Variants in ZRANB3 observed in about 807,000 individuals in gnomAD.
ZRANB3 encodes the protein DNA annealing helicase and endonuclease ZRANB3.
In ZRANB3, 125 loss-of-function variants were observed where a neutral mutation model predicts 133.8. The observed-to-expected ratio is 0.93, with a 90% CI of 0.81 to 1.08. The LOEUF (loss-of-function observed/expected upper bound fraction) is 1.08, where lower values mean the gene tolerates loss of function less well. Ranked by LOEUF, ZRANB3 falls within the 50% of genes least tolerant of loss-of-function variation. The pLI is 0.00. For synonymous variants in ZRANB3, 387 were observed against 432.7 expected (o/e 0.89, Z 1.31); for missense variants, 1,229 against 1,275.5 (o/e 0.96, Z 0.56).
At chr2:135,393,524 A>T (rs1390059026) in intron 2 of ZRANB3, among the ~76,000 whole-genome samples, 1 of 152,168 alleles carries the variant, frequency 6.6e-6, no homozygotes, top group Non-Finnish European at 1.5e-5. Context: ...TTTTACAAAA[A>T]ATAGGTGTTC....
intron 2 of ZRANB3, 139 bp downstream of exon 2, chr2:135,504,190 T>C (rs1199974829): frequency 3.1e-6 from 3 of 952,444 alleles, no homozygotes; most frequent in Non-Finnish European, 5.0e-6. Context: ...CCATAGTAAA[T>C]GGATAAAGCT....
At chr2:135,286,434 C>T (rs1017319648) in intron 8 of ZRANB3, among the ~76,000 whole-genome samples, 3 of 152,174 alleles carry the variant, frequency 2.0e-5, no homozygotes, top group African/African-American at 4.8e-5. Flanking sequence ...CACACCACTA[C>T]ACCCGGCTAA....
At chr2:135,460,069 T>C (rs1228306071) in intron 2 of ZRANB3, among the ~76,000 whole-genome samples, 1 of 151,982 alleles carries the variant, frequency 6.6e-6, no homozygotes, top group Non-Finnish European at 1.5e-5. Context: ...AGGTGGTGAA[T>C]GGGGCAGGGG....
chr2:135,242,188 AAGAG>A (rs1197623003), intron 12 of ZRANB3, among the ~76,000 whole-genome samples: 1 of 151,956 alleles, frequency 6.6e-6, no homozygotes, highest in Non-Finnish European at 1.5e-5. Flanking sequence ...CAAAAAAAAA[AAGAG>A]AGAGACAATT....
intron 1 of ZRANB3, among the ~76,000 whole-genome samples, chr2:135,519,072 G>C (rs1029393758): frequency 2.0e-5 from 3 of 152,206 alleles, no homozygotes; most frequent in Middle Eastern, 3.4e-3. Flanking sequence ...CGACCTACTT[G>C]AAAGGACAAA....
chr2:135,369,435 G>T (rs926653503), intron 3 of ZRANB3, among the ~76,000 whole-genome samples: 4 of 152,070 alleles, frequency 2.6e-5, no homozygotes, highest in Admixed American at 6.6e-5. Context: ...AAATGTCAAA[G>T]ATTAAATCAT....
chr2:135,488,724 A>T (rs1692236688), intron 2 of ZRANB3, among the ~76,000 whole-genome samples: 1 of 151,784 alleles, frequency 6.6e-6, no homozygotes, highest in South Asian at 2.1e-4. Flanking sequence ...CACATATATG[A>T]AAGGCACAAT....
At chr2:135,261,371 G>A (rs1405145643) in intron 12 of ZRANB3, among the ~76,000 whole-genome samples, 2 of 152,122 alleles carry the variant, frequency 1.3e-5, no homozygotes, top group Admixed American at 1.3e-4. Context: ...AGACAGAGTG[G>A]TGAGAGGGCA....
rs1679550166 is a variant in ZRANB3 at position 135,254,446 on chromosome 2, T to C, written c.1539+11088A>G. Among the ~76,000 whole-genome samples the C allele has an allele frequency of 1.4e-5, 2 of 146,348 alleles. 1 individual carries two copies. Among genetic ancestry groups the C allele is most frequent in the South Asian group, 4.8e-4 (2 of 4,124 alleles). On this transcript the variant is annotated intron_variant, in intron 12 of 20. Transcript: ENST00000264159. The stretch of plus-strand genomic sequence containing the variant: ...ATTCTCAAAATTTAGCATATAGTCT[T>C]TTAAAAAAAAAACAGCTTTGGCCAG...
chr2:135,502,037 G>T (rs1033324689), intron 2 of ZRANB3, among the ~76,000 whole-genome samples: 3 of 152,088 alleles, frequency 2.0e-5, no homozygotes, highest in African/African-American at 7.2e-5. Context: ...AACTATTACA[G>T]CAGACCTATA....
At chr2:135,391,643 G>A (rs181364635) in intron 2 of ZRANB3, among the ~76,000 whole-genome samples, 1,566 of 149,962 alleles carry the variant, frequency 0.01, 25 homozygotes, top group African/African-American at 0.037. Flanking sequence ...GCAGTGGTGC[G>A]ATCTCCGCTC....
chr2:135,453,131 A>C (rs971976533), intron 2 of ZRANB3, among the ~76,000 whole-genome samples: 1 of 152,254 alleles, frequency 6.6e-6, no homozygotes, highest in Admixed American at 6.5e-5. Flanking sequence ...GGACACTGCC[A>C]AGGCTTGGGG....
At chr2:135,392,587 TA>T (rs1687291055) in intron 2 of ZRANB3, among the ~76,000 whole-genome samples, 1 of 151,920 alleles carries the variant, frequency 6.6e-6, no homozygotes, top group Non-Finnish European at 1.5e-5. Flanking sequence ...CTGTCTGTAC[TA>T]AAAGTAAAAA....
At position 135,265,634 on chromosome 2, in the gene ZRANB3, T is replaced by G. The variant is rs1190295499; in HGVS notation, c.1439A>C (p.Glu480Ala). 3.7e-6 allele frequency: 6 copies of G among 1,613,652 alleles called. No individual in the cohort carries two copies. The highest frequency in any genetic ancestry group is 4.2e-6 in the Non-Finnish European group (5 of 1,179,812). The change falls in exon 12 of 21, where the codon GAG becomes GCG. Residue 480 changes from glutamate (E) to alanine (A), a missense_variant. Physicochemically the swap from Glu to Ala is moderately radical, Grantham distance 107. Transcript: ENST00000264159. The stretch of plus-strand genomic sequence containing the variant: ...ATCCCATTTTTCCTTATCACCTTCC[T>G]CAGCCTGAATTTTTTCTTTCCTACC... ...LNGRKEKIQA[E>A]EGDKEKWDFL...
At chr2:135,480,075 A>G (rs764482947) in intron 2 of ZRANB3, among the ~76,000 whole-genome samples, 2 of 150,414 alleles carry the variant, frequency 1.3e-5, no homozygotes. Context: ...CTGGGACTAC[A>G]GGCGCCCGCC....
intron 1 of ZRANB3, among the ~76,000 whole-genome samples, chr2:135,515,342 T>A (rs1325598122): frequency 1.3e-5 from 2 of 152,034 alleles, no homozygotes; most frequent in Non-Finnish European, 2.9e-5. Context: ...TTATTTCTTA[T>A]CTTCTGCTAG....
At chr2:135,451,275 T>C (rs1574123991) in intron 2 of ZRANB3, among the ~76,000 whole-genome samples, 1 of 151,934 alleles carries the variant, frequency 6.6e-6, no homozygotes, top group Admixed American at 6.6e-5. Flanking sequence ...CAGTAAAAAA[T>C]TACTGGCCGG....
chr2:135,476,701 T>C (rs1371671452), intron 2 of ZRANB3, among the ~76,000 whole-genome samples: 1 of 151,356 alleles, frequency 6.6e-6, no homozygotes, highest in East Asian at 1.9e-4. Flanking sequence ...CTTTTTTTTT[T>C]TTTTTTTCTT....
intron 12 of ZRANB3, among the ~76,000 whole-genome samples, chr2:135,234,216 A>C (rs1695179382): frequency 6.6e-6 from 1 of 152,224 alleles, no homozygotes; most frequent in Non-Finnish European, 1.5e-5. Flanking sequence ...CATAATGGTA[A>C]AGGGATCAAT....
Sources: allele counts gnomAD v4.1 joint callset (sites outside exome capture counted in the v4.1 genomes callset), GRCh38; gene constraint gnomAD v4.1.1; transcripts MANE v1.5; gene names NCBI Gene and HGNC (gene_info 2026-07-23, HGNC 2026-07-21).